Variants in DNAH9 observed in about 807,000 individuals in gnomAD.
The protein encoded by DNAH9 is DNAH9 variant protein.
DNAH9 carries 345 observed loss-of-function variants against 471.6 expected under a neutral mutation model. The observed-to-expected ratio is 0.73, with a 90% CI of 0.67 to 0.80. The LOEUF (loss-of-function observed/expected upper bound fraction) is 0.80. DNAH9 is among the 30% of genes least tolerant of loss of function. The probability of loss-of-function intolerance (pLI) is 0.00; values close to 1 mark genes in which losing one functional copy is unlikely to be tolerated. For synonymous variants in DNAH9, 2,093 were observed against 2,123.6 expected, an observed-to-expected ratio of 0.99 and a Z score of 0.40; for missense variants, 5,407 against 5,609.2, an observed-to-expected ratio of 0.96 and a Z score of 1.15.
chr17:11,694,741 T>C (rs866440768), intron 22 of DNAH9, among the ~76,000 whole-genome samples: 178 of 4,236 alleles, frequency 0.042, 73 homozygotes, highest in Middle Eastern at 0.33. Context: ...TCTTTCTTTC[T>C]TTCTTTCTTT....
At chr17:11,703,237 T>A (rs1482893423) in intron 24 of DNAH9, among the ~76,000 whole-genome samples, 1 of 152,122 alleles carries the variant, frequency 6.6e-6, no homozygotes, top group Non-Finnish European at 1.5e-5. Flanking sequence ...GATTGGAACA[T>A]CCTCTCAAGT....
At chr17:11,766,968 CA>C (rs57248598) in intron 36 of DNAH9, among the ~76,000 whole-genome samples, 126,678 of 139,624 alleles carry the variant, frequency 0.91, 57,513 homozygotes, top group East Asian at 0.99. Flanking sequence ...GACTCTGTCT[CA>C]AAAAAAAAAA....
chr17:11,852,895 GTA>G (rs1157523709), intron 49 of DNAH9, among the ~76,000 whole-genome samples: 30 of 135,824 alleles, frequency 2.2e-4, no homozygotes, highest in East Asian at 1.1e-3. Flanking sequence ...AGTAGGATGT[GTA>G]TATATATATA....
intron 10 of DNAH9, among the ~76,000 whole-genome samples, chr17:11,643,755 C>CCTATGATCAATACACT (rs558411406): frequency 6.6e-6 from 1 of 152,130 alleles, no homozygotes; most frequent in Non-Finnish European, 1.5e-5. Context: ...TCTAGCTTAG[C>CCTATGATCAATACACT]CTATGATCAA....
intron 49 of DNAH9, among the ~76,000 whole-genome samples, chr17:11,836,336 T>C (rs1022724507): frequency 1.3e-5 from 2 of 152,188 alleles, no homozygotes; most frequent in Admixed American, 6.5e-5. Context: ...CTATTATAGA[T>C]GGTTATAATA....
intron 10 of DNAH9, among the ~76,000 whole-genome samples, chr17:11,640,685 G>A (rs947679968): frequency 2.0e-5 from 3 of 152,150 alleles, no homozygotes; most frequent in African/African-American, 4.8e-5. Context: ...TCTTCCACAC[G>A]TCTCCCTTTG....
intron 38 of DNAH9, among the ~76,000 whole-genome samples, chr17:11,773,723 T>A (rs1164542331): frequency 6.6e-6 from 1 of 152,176 alleles, no homozygotes; most frequent in African/African-American, 2.4e-5. Context: ...ATAAAATATT[T>A]CAAACATGTA....
At chr17:11,802,173 T>C (rs1969486833) in intron 43 of DNAH9, among the ~76,000 whole-genome samples, 1 of 152,164 alleles carries the variant, frequency 6.6e-6, no homozygotes, top group African/African-American at 2.4e-5. Flanking sequence ...CGTTGCTGCC[T>C]CTACCAACCA....
At chr17:11,874,304 G>A (rs1972390774) in intron 52 of DNAH9, among the ~76,000 whole-genome samples, 1 of 151,934 alleles carries the variant, frequency 6.6e-6, no homozygotes. Context: ...AAAAGGCAGT[G>A]TCTAGGGCAC....
At chr17:11,632,526 C>G in intron 7 of DNAH9, 61 bp from the exon 8 acceptor site, 2 of 789,078 alleles carry the variant, frequency 2.5e-6, no homozygotes, top group South Asian at 2.9e-5. Flanking sequence ...CTGTGAGGAG[C>G]ATAGTGGGGT....
At chr17:11,843,863 G>GTGTGTGTGTGTCTATATATATATATA (rs1253794533) in intron 49 of DNAH9, among the ~76,000 whole-genome samples, 1 of 46,466 alleles carries the variant, frequency 2.2e-5, no homozygotes, top group East Asian at 3.8e-4. Flanking sequence ...GTGTGTGTGT[G>GTGTGTGTGTGTCTATATATATATATA]TATATATATA....
chr17:11,833,419 CAA>C (rs1406316986), intron 48 of DNAH9, among the ~76,000 whole-genome samples: 3 of 152,168 alleles, frequency 2.0e-5, no homozygotes, highest in Non-Finnish European at 4.4e-5. Context: ...CTTAGCCACT[CAA>C]AGGCAGGCAG....
intron 6 of DNAH9, among the ~76,000 whole-genome samples, chr17:11,628,476 T>C (rs1252839157): frequency 1.3e-5 from 2 of 152,228 alleles, no homozygotes; most frequent in Non-Finnish European, 2.9e-5. Context: ...GGTGTTATTA[T>C]TATTCTGCAG....
At chr17:11,869,003 C>T (rs1032523922) in intron 50 of DNAH9, 131 bp from the exon 51 acceptor site, 5 of 1,100,476 alleles carry the variant, frequency 4.5e-6, no homozygotes, top group South Asian at 1.7e-5. Context: ...GCCCTGCTTT[C>T]CCTGGTCCCA....
intron 49 of DNAH9, among the ~76,000 whole-genome samples, chr17:11,841,328 C>G (rs1046426832): frequency 6.6e-6 from 1 of 152,096 alleles, no homozygotes; most frequent in Non-Finnish European, 1.5e-5. Context: ...TCCAAAGAGG[C>G]TCTGGGAACC....
chr17:11,706,521 A>G (rs1277283623), intron 26 of DNAH9, among the ~76,000 whole-genome samples: 1 of 152,152 alleles, frequency 6.6e-6, no homozygotes, highest in East Asian at 1.9e-4. Context: ...GGCCATATGC[A>G]ACAAATTTCC....
At chr17:11,846,213 C>G (rs1316695431) in intron 49 of DNAH9, among the ~76,000 whole-genome samples, 1 of 141,994 alleles carries the variant, frequency 7.0e-6, no homozygotes, top group African/African-American at 2.7e-5. Context: ...TTTCAGCTTT[C>G]TACATATGGC....
At position 11,886,926 on chromosome 17, in the gene DNAH9, C is replaced by T. The variant is rs560605650; in HGVS notation, c.11073C>T (p.Asp3691=). 5.4e-4 allele frequency: 874 copies of T among 1,612,932 alleles called. 11 individuals are homozygous for T. The South Asian group carries it at 8.8e-3, about 16-fold the overall frequency. ...RASLLYFIMN[D]LSKIHPMYQF... is the part of the protein sequence containing the mutation. ...CACTGCTCTACTTCATCATGAACGA[C>T]CTCAGCAAGATCCATCCAATGTACC... is the stretch of plus-strand genomic sequence containing the variant. The change falls in exon 57 of 69, where the codon GAC becomes GAT. Residue 3691 remains aspartate (D), a synonymous_variant. Transcript: ENST00000262442.
At chr17:11,615,286 T>C (rs1179139369) in intron 4 of DNAH9, among the ~76,000 whole-genome samples, 2 of 152,124 alleles carry the variant, frequency 1.3e-5, no homozygotes, top group Non-Finnish European at 2.9e-5. Flanking sequence ...TTACATTCTT[T>C]AAAAAGGTAT....
Sources: gnomAD v4.1 joint callset for allele counts (sites outside exome capture counted in the v4.1 genomes callset) on GRCh38, gnomAD v4.1.1 for gene constraint, MANE v1.5 for transcripts, NCBI Gene and HGNC (gene_info 2026-07-23, HGNC 2026-07-21) for gene names.